Variants in PLCB4 observed in about 807,000 individuals in gnomAD.
The protein encoded by PLCB4 is phospholipase C beta 4.
Under a neutral mutation model 178.8 loss-of-function variants are expected in PLCB4, and 77 were observed. The observed-to-expected ratio is 0.43, with a 90% CI of 0.36 to 0.52. The LOEUF is 0.52. Among genes scored for constraint, PLCB4 ranks in the 20% least tolerant of loss-of-function variants. The pLI, the probability that PLCB4 is intolerant of heterozygous loss-of-function variation, is 0.00. For synonymous variants in PLCB4, 496 were observed against 490.8 expected (o/e 1.01, Z -0.14); for missense variants, 1,024 against 1,453.4 (o/e 0.70, Z 4.80).
intron 4 of PLCB4, among the ~76,000 whole-genome samples, chr20:9,315,396 CAA>C (rs1472789885): frequency 6.6e-6 from 1 of 152,192 alleles, no homozygotes; most frequent in East Asian, 1.9e-4. Context: ...ACAAGACAAA[CAA>C]AGTCTCAGTC....
chr20:9,078,867 A>G (rs1402345774), intron 1 of PLCB4, among the ~76,000 whole-genome samples: 1 of 152,222 alleles, frequency 6.6e-6, no homozygotes, highest in Admixed American at 6.5e-5. Flanking sequence ...GATTAGATAA[A>G]TGACAGCAAA....
At chr20:9,242,136 C>T (rs907173536) in intron 3 of PLCB4, among the ~76,000 whole-genome samples, 5 of 152,006 alleles carry the variant, frequency 3.3e-5, no homozygotes, top group African/African-American at 9.7e-5. Context: ...CAAGGTGAAC[C>T]GTAGAGTCAG....
intron 3 of PLCB4, among the ~76,000 whole-genome samples, chr20:9,271,905 G>A (rs747647192): frequency 4.6e-5 from 7 of 151,934 alleles, no homozygotes; most frequent in Non-Finnish European, 8.8e-5. Context: ...GGCTGGGTGT[G>A]GGGGCTCACA....
intron 3 of PLCB4, among the ~76,000 whole-genome samples, chr20:9,247,364 G>A (rs193093092): frequency 7.2e-5 from 11 of 152,286 alleles, no homozygotes; most frequent in Admixed American, 7.2e-4. Context: ...AATATTTTGA[G>A]TAGTTTATGA....
chr20:9,124,683 A>C (rs1259911190), intron 2 of PLCB4, among the ~76,000 whole-genome samples: 1 of 152,170 alleles, frequency 6.6e-6, no homozygotes, highest in African/African-American at 2.4e-5. Flanking sequence ...GAATTAGCTG[A>C]TGTGAGGTTT....
chr20:9,113,550 G>A (rs1299042860), intron 2 of PLCB4, among the ~76,000 whole-genome samples: 1 of 152,138 alleles, frequency 6.6e-6, no homozygotes, highest in Non-Finnish European at 1.5e-5. Flanking sequence ...GTGTACTGGG[G>A]AAGATCACAT....
chr20:9,458,422 C>T (rs2043187769), intron 34 of PLCB4, among the ~76,000 whole-genome samples: 1 of 152,198 alleles, frequency 6.6e-6, no homozygotes, highest in Admixed American at 6.5e-5. Context: ...GCCTTGGCAA[C>T]AGTATCAGTT....
At chr20:9,350,452 G>A (rs915351883) in intron 7 of PLCB4, among the ~76,000 whole-genome samples, 2 of 152,154 alleles carry the variant, frequency 1.3e-5, no homozygotes, top group Admixed American at 1.3e-4. Context: ...AAGGCCATAC[G>A]TCCAGTAAGT....
intron 3 of PLCB4, among the ~76,000 whole-genome samples, chr20:9,225,636 G>A (rs2093854857): frequency 6.6e-6 from 1 of 152,118 alleles, no homozygotes; most frequent in African/African-American, 2.4e-5. Context: ...CCAAAGATAG[G>A]ATTTCTTGTT....
intron 3 of PLCB4, among the ~76,000 whole-genome samples, chr20:9,282,778 T>C (rs1158656172): frequency 6.6e-6 from 1 of 152,018 alleles, no homozygotes; most frequent in Non-Finnish European, 1.5e-5. Flanking sequence ...TTGGCTCAGG[T>C]TGGATAACCT....
At chr20:9,352,289 C>G (rs887892441) in intron 7 of PLCB4, among the ~76,000 whole-genome samples, 49 of 152,136 alleles carry the variant, frequency 3.2e-4, no homozygotes, top group African/African-American at 1.2e-3. Context: ...TAAGTATACT[C>G]TATGTATACA....
At chr20:9,243,968 A>C (rs2094096439) in intron 3 of PLCB4, among the ~76,000 whole-genome samples, 1 of 152,174 alleles carries the variant, frequency 6.6e-6, no homozygotes, top group Non-Finnish European at 1.5e-5. Flanking sequence ...TAAGGACTAG[A>C]GTCTCTTTGT....
intron 2 of PLCB4, among the ~76,000 whole-genome samples, chr20:9,110,199 G>A (rs1380588189): frequency 6.7e-6 from 1 of 148,280 alleles, no homozygotes; most frequent in Non-Finnish European, 1.5e-5. Flanking sequence ...GTCTGGAATT[G>A]TTTTTTTTTT....
intron 12 of PLCB4, among the ~76,000 whole-genome samples, chr20:9,377,073 C>T (rs1035392685): frequency 6.6e-6 from 1 of 152,168 alleles, no homozygotes; most frequent in Non-Finnish European, 1.5e-5. Context: ...ATTATTCCTT[C>T]TATATTTTTA....
chr20:9,113,983 G>A (rs11697740), intron 2 of PLCB4, among the ~76,000 whole-genome samples: 1 of 152,058 alleles, frequency 6.6e-6, no homozygotes, highest in Non-Finnish European at 1.5e-5. Context: ...GGAGGCTGAG[G>A]GGGGCGGATC....
chr20:9,372,264 A>T, intron 10 of PLCB4, 39 bp from the exon 11 acceptor site: 1 of 1,201,048 alleles, frequency 8.3e-7, no homozygotes, highest in Non-Finnish European at 1.2e-6. Context: ...CAAGGGAAAA[A>T]CGGTTCTGTG....
intron 2 of PLCB4, among the ~76,000 whole-genome samples, chr20:9,191,516 A>C (rs150280592): frequency 1.6e-3 from 247 of 152,244 alleles, no homozygotes; most frequent in African/African-American, 5.5e-3. Context: ...TCTATTATTT[A>C]TAACTTACCC....
chr20:9,435,848 C>T (rs1476025432), intron 29 of PLCB4, among the ~76,000 whole-genome samples, 200 bp downstream of exon 29: 1 of 152,216 alleles, frequency 6.6e-6, no homozygotes, highest in Non-Finnish European at 1.5e-5. Context: ...GAAAAATCCA[C>T]TTCATCATCA....
At chr20:9,221,904 C>T (rs2093803265) in intron 3 of PLCB4, among the ~76,000 whole-genome samples, 1 of 152,092 alleles carries the variant, frequency 6.6e-6, no homozygotes, top group Non-Finnish European at 1.5e-5. Context: ...TCTTCATTCT[C>T]ATCTCTTTTA....
Sources: allele counts gnomAD v4.1 joint callset (sites outside exome capture counted in the v4.1 genomes callset), GRCh38; gene constraint gnomAD v4.1.1; transcripts MANE v1.5; gene names NCBI Gene and HGNC (gene_info 2026-07-23, HGNC 2026-07-21).